The following CDH4 variants were observed in gnomAD, a reference collection of about 807,000 sequenced individuals.
CDH4 encodes cadherin 4.
CDH4 carries 33 observed loss-of-function variants against 86.0 expected under a neutral mutation model. That is an observed-to-expected ratio of 0.38 (90% CI 0.29 to 0.51). The LOEUF (loss-of-function observed/expected upper bound fraction) is 0.51, where lower values mean the gene tolerates loss of function less well. Ranked by LOEUF, CDH4 falls within the 20% of genes least tolerant of loss-of-function variation. CDH4 has a pLI of 0.86. For synonymous variants in CDH4, 555 were observed against 549.4 expected (o/e 1.01, Z -0.14); for missense variants, 1,114 against 1,307.4 (o/e 0.85, Z 2.28).
At chr20:61,268,745 G>A (rs892670602) in intron 2 of CDH4, among the ~76,000 whole-genome samples, 2 of 152,128 alleles carry the variant, frequency 1.3e-5, no homozygotes, top group Admixed American at 6.5e-5. Context: ...CACATGGGCT[G>A]CCCTTTGCCT....
At chr20:61,467,781 C>T (rs1219578514) in intron 2 of CDH4, among the ~76,000 whole-genome samples, 3 of 152,114 alleles carry the variant, frequency 2.0e-5, no homozygotes, top group Non-Finnish European at 2.9e-5. Flanking sequence ...TCTTGAAGAC[C>T]ACCCTCACTG....
intron 8 of CDH4, among the ~76,000 whole-genome samples, chr20:61,899,514 G>A (rs1040249159): frequency 2.8e-4 from 43 of 152,102 alleles, no homozygotes; most frequent in African/African-American, 9.4e-4. Flanking sequence ...TGCAACCTCC[G>A]CCTCCTGGGT....
intron 2 of CDH4, among the ~76,000 whole-genome samples, chr20:61,414,948 C>T (rs968954366): frequency 6.6e-6 from 1 of 152,320 alleles, no homozygotes; most frequent in South Asian, 2.1e-4. Context: ...CTCCATGGAC[C>T]GGAGGTCAGG....
intron 2 of CDH4, among the ~76,000 whole-genome samples, chr20:61,345,075 G>T (rs548602080): frequency 6.6e-6 from 1 of 152,188 alleles, no homozygotes; most frequent in Non-Finnish European, 1.5e-5. Flanking sequence ...TTTTTATCTC[G>T]TTTGGATTCC....
chr20:61,629,517 C>A (rs2086864401), intron 2 of CDH4, among the ~76,000 whole-genome samples: 3 of 152,216 alleles, frequency 2.0e-5, no homozygotes, highest in Admixed American at 2.0e-4. Context: ...GTCGCCCTGG[C>A]ACGTGTGGTT....
At chr20:61,278,306 A>G (rs1235820025) in intron 2 of CDH4, among the ~76,000 whole-genome samples, 8 of 152,222 alleles carry the variant, frequency 5.3e-5, no homozygotes, top group Non-Finnish European at 8.8e-5. Context: ...AATGTGCAGG[A>G]ATCAAACTGC....
intron 2 of CDH4, among the ~76,000 whole-genome samples, chr20:61,333,143 G>T (rs930694604): frequency 6.6e-6 from 1 of 152,168 alleles, no homozygotes; most frequent in Non-Finnish European, 1.5e-5. Context: ...TAGAGGCATT[G>T]TGGCAACTCT....
At chr20:61,286,094 G>A (rs889769234) in intron 2 of CDH4, among the ~76,000 whole-genome samples, 1 of 152,246 alleles carries the variant, frequency 6.6e-6, no homozygotes, top group Non-Finnish European at 1.5e-5. Context: ...GGATCAGAGG[G>A]AGATGGTGCT....
chr20:61,702,871 C>G lies in CDH4; in HGVS notation c.170-40692C>G, dbSNP rs1568765555. On this transcript the variant is annotated intron_variant, in intron 2 of 15. Coordinates refer to ENST00000614565, the MANE Select transcript of CDH4 (RefSeq NM_001794.5). ...TAGAGTTCTTGATCTACATCTGTCA[C>G]CTTCCTGCAAAGCAAATCAGGCCTG... Among the ~76,000 whole-genome samples, 4 of 152,210 alleles carry G rather than the reference C, an allele frequency of 2.6e-5. No homozygotes were observed. In the South Asian group the frequency reaches 6.2e-4, roughly 24 times the overall value.
intron 2 of CDH4, among the ~76,000 whole-genome samples, chr20:61,397,630 T>C (rs192702638): frequency 2.8e-4 from 43 of 152,276 alleles, no homozygotes; most frequent in Admixed American, 7.2e-4. Flanking sequence ...TCACATTGCA[T>C]TGTATTTTCC....
chr20:61,292,085 A>G (rs549810730), intron 2 of CDH4, among the ~76,000 whole-genome samples: 1 of 152,316 alleles, frequency 6.6e-6, no homozygotes, highest in African/African-American at 2.4e-5. Context: ...TGATTCCTCA[A>G]ATAGCTCAAA....
intron 2 of CDH4, among the ~76,000 whole-genome samples, chr20:61,383,347 GAATATATAT>G (rs2145450676): frequency 1.5e-5 from 1 of 67,594 alleles, no homozygotes; most frequent in African/African-American, 7.1e-5. Context: ...TGATATATAT[GAATATATAT>G]GGATATATAT....
chr20:61,705,029 A>G (rs57085875), intron 2 of CDH4, among the ~76,000 whole-genome samples: 2,090 of 152,216 alleles, frequency 0.014, 55 homozygotes, highest in African/African-American at 0.047. Flanking sequence ...TTGGGGCTCA[A>G]AGGTCCCCTG....
chr20:61,896,446 C>T (rs1298478499), intron 8 of CDH4, among the ~76,000 whole-genome samples: 4 of 152,178 alleles, frequency 2.6e-5, no homozygotes, highest in African/African-American at 9.7e-5. Flanking sequence ...GAGCACACAA[C>T]GCCATCTGGT....
At chr20:61,698,428 G>T (rs369979982) in intron 2 of CDH4, among the ~76,000 whole-genome samples, 2 of 152,244 alleles carry the variant, frequency 1.3e-5, no homozygotes, top group Non-Finnish European at 2.9e-5. Context: ...TGCCGTCCGG[G>T]TGCTTCCCAT....
At chr20:61,935,220 C>T (rs1489159871) in intron 15 of CDH4, among the ~76,000 whole-genome samples, 1 of 152,210 alleles carries the variant, frequency 6.6e-6, no homozygotes, top group Admixed American at 6.5e-5. Flanking sequence ...ACACTTAGAC[C>T]TCAGCCTAGG....
intron 4 of CDH4, among the ~76,000 whole-genome samples, chr20:61,827,324 G>A (rs1049457551): frequency 2.0e-5 from 3 of 152,094 alleles, no homozygotes; most frequent in Non-Finnish European, 4.4e-5. Context: ...ATTCCTGGTG[G>A]GATATAGTCC....
intron 2 of CDH4, among the ~76,000 whole-genome samples, chr20:61,608,422 T>C (rs1408718677): frequency 1.3e-5 from 2 of 152,224 alleles, no homozygotes; most frequent in Admixed American, 1.3e-4. Context: ...GTGGAACTGC[T>C]ACGACCCCAG....
chr20:61,925,760 G>A (rs2055038600), intron 11 of CDH4, among the ~76,000 whole-genome samples: 1 of 152,212 alleles, frequency 6.6e-6, no homozygotes, highest in African/African-American at 2.4e-5. Context: ...GAGACCTGGG[G>A]CATCCTGACT....
Sources: gnomAD v4.1 joint callset for allele counts (sites outside exome capture counted in the v4.1 genomes callset) on GRCh38, gnomAD v4.1.1 for gene constraint, MANE v1.5 for transcripts, NCBI Gene and HGNC (gene_info 2026-07-23, HGNC 2026-07-21) for gene names.